CERS6: variants seen among roughly 807,000 people sequenced by gnomAD.
CERS6 encodes LAG1 homolog, ceramide synthase 6.
Under a neutral mutation model 56.8 loss-of-function variants are expected in CERS6, and 26 were observed. The ratio of observed to expected loss-of-function variants is 0.46; its 90% CI spans 0.34 to 0.63. The LOEUF (loss-of-function observed/expected upper bound fraction) is 0.63, where lower values mean the gene tolerates loss of function less well. CERS6 is among the 30% of genes least tolerant of loss of function. CERS6 has a pLI of 0.01. For synonymous variants in CERS6, 164 were observed against 173.3 expected (o/e 0.95, Z 0.42); for missense variants, 415 against 467.5 (o/e 0.89, Z 1.04).
chr2:168,531,658 C>G (rs1458241701), intron 1 of CERS6, among the ~76,000 whole-genome samples: 5 of 152,040 alleles, frequency 3.3e-5, no homozygotes, highest in Non-Finnish European at 5.9e-5. Flanking sequence ...CCCGTCTCTA[C>G]TAAAAATACA....
intron 4 of CERS6, among the ~76,000 whole-genome samples, chr2:168,666,813 A>G (rs1685773634): frequency 6.6e-6 from 1 of 152,226 alleles, no homozygotes; most frequent in Admixed American, 6.5e-5. Flanking sequence ...GGAGTCTCCT[A>G]AAACCATATT....
At chr2:168,717,565 A>T (rs1245253765) in intron 7 of CERS6, among the ~76,000 whole-genome samples, 1 of 152,180 alleles carries the variant, frequency 6.6e-6, no homozygotes, top group East Asian at 1.9e-4. Context: ...AGAATCTCTT[A>T]TTTTTCTCTC....
intron 4 of CERS6, among the ~76,000 whole-genome samples, chr2:168,651,881 G>T (rs1291908420): frequency 6.6e-6 from 1 of 152,130 alleles, no homozygotes; most frequent in African/African-American, 2.4e-5. Flanking sequence ...TTGAAAGTGT[G>T]GCTAGTATCT....
chr2:168,458,688 G>A (rs1693723479), intron 1 of CERS6, among the ~76,000 whole-genome samples: 1 of 152,200 alleles, frequency 6.6e-6, no homozygotes, highest in Admixed American at 6.5e-5. Context: ...GAAAGTGAAA[G>A]TTTATGGTTA....
At chr2:168,520,598 C>CTTTTTTTTTTTTT (rs150724635) in intron 1 of CERS6, among the ~76,000 whole-genome samples, 724 of 57,954 alleles carry the variant, frequency 0.012, 83 homozygotes, top group Middle Eastern at 0.019. Flanking sequence ...TTACAATATC[C>CTTTTTTTTTTTTT]TTTTTTTTTT....
chr2:168,572,605 G>A (rs558458160), intron 3 of CERS6, among the ~76,000 whole-genome samples: 1 of 152,150 alleles, frequency 6.6e-6, no homozygotes, highest in East Asian at 1.9e-4. Context: ...AACATGGAAA[G>A]GGGGCAGTTT....
intron 1 of CERS6, among the ~76,000 whole-genome samples, chr2:168,536,468 C>G (rs1193942026): frequency 6.6e-6 from 1 of 151,760 alleles, no homozygotes; most frequent in African/African-American, 2.4e-5. Flanking sequence ...TTGTCACACA[C>G]ACAGTGAGAT....
At chr2:168,713,312 TAGAG>T (rs932008367) in intron 6 of CERS6, among the ~76,000 whole-genome samples, 1 of 151,938 alleles carries the variant, frequency 6.6e-6, no homozygotes, top group African/African-American at 2.4e-5. Context: ...CTGTCTCCCC[TAGAG>T]AGAGAGAGAT....
intron 1 of CERS6, among the ~76,000 whole-genome samples, chr2:168,483,729 C>T (rs77351581): frequency 0.017 from 2,641 of 152,262 alleles, 72 homozygotes; most frequent in African/African-American, 0.061. Context: ...TATTCTCTCA[C>T]AGTGGAATAG....
chr2:168,750,321 T>C (rs1250979387), intron 8 of CERS6, among the ~76,000 whole-genome samples: 1 of 115,010 alleles, frequency 8.7e-6, no homozygotes, highest in African/African-American at 2.6e-5. Flanking sequence ...TATGATTACA[T>C]ACATGTTAAT....
intron 3 of CERS6, among the ~76,000 whole-genome samples, chr2:168,613,110 G>A (rs1437841176): frequency 2.0e-5 from 3 of 152,190 alleles, no homozygotes; most frequent in Admixed American, 6.5e-5. Flanking sequence ...GGTTGAAGGC[G>A]AAGGAAGACT....
intron 1 of CERS6, among the ~76,000 whole-genome samples, chr2:168,465,548 T>C (rs941521443): frequency 1.3e-5 from 2 of 152,196 alleles, no homozygotes; most frequent in Non-Finnish European, 2.9e-5. Context: ...TACAATAGAA[T>C]ATTATTCATC....
intron 9 of CERS6, among the ~76,000 whole-genome samples, chr2:168,767,695 C>G (rs757624418): frequency 4.6e-5 from 7 of 152,180 alleles, no homozygotes; most frequent in South Asian, 2.1e-4. Context: ...AGGACGTTCT[C>G]CCACAGGAAC....
intron 4 of CERS6, among the ~76,000 whole-genome samples, chr2:168,678,972 A>G (rs1397068339): frequency 1.3e-5 from 2 of 152,258 alleles, no homozygotes; most frequent in Admixed American, 6.5e-5. Context: ...AATGTGGCAT[A>G]TATACACAAT....
At chr2:168,707,331 A>G (rs1390554519) in intron 6 of CERS6, among the ~76,000 whole-genome samples, 1 of 152,218 alleles carries the variant, frequency 6.6e-6, no homozygotes, top group Admixed American at 6.5e-5. Flanking sequence ...ATTCAATTCT[A>G]GATCTAATGT....
At chr2:168,708,449 G>T (rs1168101758) in intron 6 of CERS6, among the ~76,000 whole-genome samples, 1 of 152,042 alleles carries the variant, frequency 6.6e-6, no homozygotes, top group Non-Finnish European at 1.5e-5. Flanking sequence ...TCAAATAAGA[G>T]TACTGTTTTT....
intron 4 of CERS6, among the ~76,000 whole-genome samples, chr2:168,661,531 A>G (rs538202778): frequency 2.0e-4 from 30 of 152,210 alleles, no homozygotes; most frequent in Non-Finnish European, 3.5e-4. Flanking sequence ...TACATTTCTT[A>G]TCTTCTGTTT....
At chr2:168,729,288 C>T (rs1252073920) in intron 8 of CERS6, among the ~76,000 whole-genome samples, 1 of 151,800 alleles carries the variant, frequency 6.6e-6, no homozygotes, top group African/African-American at 2.4e-5. Context: ...AGGCATCTCA[C>T]TTACTTGAGA....
Position 168,474,797 on chromosome 2 carries a change from C to G in CERS6, c.170+18179C>G, listed in dbSNP as rs557899339. On this transcript the variant is annotated intron_variant, in intron 1 of 9. Transcript: ENST00000305747. ...CATTGCCTTAGGGTTACTTAGCTAA[C>G]AGGAATGGTGAGTGTTGTGTTATAT... Among the ~76,000 whole-genome samples the G allele has an allele frequency of 5.3e-5, 8 of 152,288 alleles. No homozygotes were observed. In the East Asian group the frequency reaches 1.2e-3, roughly 22 times the overall value.
Sources: allele counts gnomAD v4.1 joint callset (sites outside exome capture counted in the v4.1 genomes callset), GRCh38; gene constraint gnomAD v4.1.1; transcripts MANE v1.5; gene names NCBI Gene and HGNC (gene_info 2026-07-23, HGNC 2026-07-21).